SYCE2: variants seen among roughly 807,000 people sequenced by gnomAD.
The protein encoded by SYCE2 is central element synaptonemal complex 1.
Under a neutral mutation model 27.9 loss-of-function variants are expected in SYCE2, and 3 were observed. The ratio of observed to expected loss-of-function variants is 0.11; its 90% CI spans 0.05 to 0.28. The LOEUF is 0.28. Among genes scored for constraint, SYCE2 ranks in the 10% least tolerant of loss-of-function variants. The probability of loss-of-function intolerance (pLI) is 1.00; values close to 1 mark genes in which losing one functional copy is unlikely to be tolerated. For synonymous variants in SYCE2, 85 were observed against 100.7 expected (o/e 0.84, Z 0.93); for missense variants, 207 against 263.5 (o/e 0.79, Z 1.48).
In SYCE2 at chr19:12,898,808, T is replaced by C. The variant is rs1178799891; in HGVS notation, c.*533A>G. Reference sequence around the variant, plus strand: ...ATTTAAAAAAAATAGGTTTGTACTTTAGGAAGTAAACAGAATTGGCTCTAA... The same window carrying C: ...ATTTAAAAAAAATAGGTTTGTACTTCAGGAAGTAAACAGAATTGGCTCTAA... On this transcript the variant is annotated 3_prime_UTR_variant, in exon 6 of 6. Transcript: ENST00000293695. 1 of 169,690 alleles carries C rather than the reference T, an allele frequency of 5.9e-6. No individual in the cohort carries two copies. Among genetic ancestry groups the C allele is most frequent in the Non-Finnish European group, 1.3e-5 (1 of 77,798 alleles). The allele number at this position is 169,690 out of a possible 1,614,324, so 10.5% of individuals were successfully genotyped here. A position where few individuals can be genotyped will look rare whatever the true frequency, so the allele number is the denominator to read the frequency against.
At chr19:12,907,774 G>C (rs887337528) in intron 2 of SYCE2, among the ~76,000 whole-genome samples, 1 of 151,356 alleles carries the variant, frequency 6.6e-6, no homozygotes, top group African/African-American at 2.4e-5. Flanking sequence ...CTGGGCAACA[G>C]AGCGAGACTC....
chr19:12,899,768 T>G (rs911451922), intron 5 of SYCE2: 1 of 1,607,166 alleles, frequency 6.2e-7, no homozygotes, highest in Admixed American at 1.7e-5. Flanking sequence ...CTTTTAACCA[T>G]GGATGAGAGC....
chr19:12,900,209 G>A (rs1357506498), intron 4 of SYCE2, 89 bp from the exon 5 acceptor site: 1 of 1,462,624 alleles, frequency 6.8e-7, no homozygotes, highest in Non-Finnish European at 9.2e-7. Context: ...GGGTGCAAGG[G>A]ACTTTGTCCT....
rs200081311 is a variant in SYCE2, at chr19:12,899,529, G to A, written c.613-144C>T. On this transcript the variant is annotated intron_variant, in intron 5 of 5. Transcript: ENST00000293695. ...CTATCACGGGAATCCAGGCGTTCAC[G>A]GCCAGCAAGTGAGCCGCTCCATCAG... The A allele has an allele frequency of 4.0e-5, 65 of 1,614,126 alleles. No individual in the cohort carries two copies. Among genetic ancestry groups the A allele is most frequent in the South Asian group, 3.4e-4 (31 of 91,080 alleles).
intron 1 of SYCE2, among the ~76,000 whole-genome samples, chr19:12,918,793 A>C (rs1408449223): frequency 6.6e-6 from 1 of 152,020 alleles, no homozygotes; most frequent in East Asian, 1.9e-4. Context: ...CTCTACTAAA[A>C]ATACAAAAAT....
chr19:12,915,446 TA>T (rs35359974), intron 2 of SYCE2, among the ~76,000 whole-genome samples: 104,991 of 150,730 alleles, frequency 0.7, 36,987 homozygotes, highest in East Asian at 0.84. Context: ...CAAAAATATA[TA>T]AAAAAAAAGC....
chr19:12,905,323 T>C (rs1373428148), intron 2 of SYCE2, among the ~76,000 whole-genome samples: 2 of 152,086 alleles, frequency 1.3e-5, no homozygotes, highest in Non-Finnish European at 2.9e-5. Flanking sequence ...CCAATAATAG[T>C]GTCAATGCTT....
chr19:12,913,873 T>C (rs558663734), intron 2 of SYCE2: 2 of 152,132 alleles, frequency 1.3e-5, no homozygotes, highest in Non-Finnish European at 2.9e-5. Context: ...CACACACCTA[T>C]AAACCATTTC....
At chr19:12,919,113 T>C (rs1000643479) in intron 1 of SYCE2, 130 bp downstream of exon 1, 10 of 1,234,286 alleles carry the variant, frequency 8.1e-6, no homozygotes, top group African/African-American at 1.5e-5. Flanking sequence ...CCAGGCCTGA[T>C]GAGAGGGAGC....
intron 2 of SYCE2, chr19:12,906,345 C>T (rs1202703431): frequency 6.6e-6 from 1 of 152,072 alleles, no homozygotes; most frequent in Non-Finnish European, 1.5e-5. Context: ...GTTGTTGGTC[C>T]CATGTTGTAC....
rs553191132 is a variant in SYCE2 at position 12,899,214 on chromosome 19, G to A, written c.*127C>T. ...GGGAGTTCAGCACAAGGAGCTTTGG[G>A]TTTTTGTTTTTTTCTGCCAAGATGC... On this transcript the variant is annotated 3_prime_UTR_variant, in exon 6 of 6. Transcript: ENST00000293695. 1 of 865,982 alleles carries A rather than the reference G, an allele frequency of 1.2e-6. No homozygotes were observed. The highest frequency in any genetic ancestry group is 1.9e-6 in the Non-Finnish European group (1 of 538,504). The allele number at this position is 865,982 out of a possible 1,614,324, so 53.6% of individuals were successfully genotyped here.
chr19:12,903,534 G>A (rs1476816194), intron 3 of SYCE2, among the ~76,000 whole-genome samples: 3 of 150,672 alleles, frequency 2.0e-5, no homozygotes, highest in African/African-American at 4.9e-5. Context: ...CTACAGGCGC[G>A]CACCACCATG....
intron 2 of SYCE2, among the ~76,000 whole-genome samples, chr19:12,907,893 C>A (rs1008222434): frequency 5.3e-5 from 8 of 152,172 alleles, no homozygotes; most frequent in Non-Finnish European, 1.2e-4. Context: ...GCAGGTGAAT[C>A]GTGAGCTCAG....
intron 2 of SYCE2, among the ~76,000 whole-genome samples, chr19:12,912,157 C>G (rs2003262): frequency 6.7e-6 from 1 of 148,756 alleles, no homozygotes; most frequent in Admixed American, 6.7e-5. Flanking sequence ...AGGCTGGTCT[C>G]GAACTCCTGA....
At chr19:12,918,158 G>A in intron 2 of SYCE2, 64 bp downstream of exon 2, 1 of 1,381,228 alleles carries the variant, frequency 7.2e-7, no homozygotes, top group Admixed American at 1.7e-5. Flanking sequence ...CCTTGTGGAA[G>A]AAAAGGGTGA....
chr19:12,914,336 C>A (rs1425325918), intron 2 of SYCE2: 1 of 152,182 alleles, frequency 6.6e-6, no homozygotes, highest in Non-Finnish European at 1.5e-5. Context: ...CACCATTAGC[C>A]AATTTCAGGC....
At chr19:12,913,615 T>A (rs2145980026) in intron 2 of SYCE2, among the ~76,000 whole-genome samples, 1 of 152,318 alleles carries the variant, frequency 6.6e-6, no homozygotes, top group East Asian at 1.9e-4. Flanking sequence ...GGAAACGTGT[T>A]AACATTTTAA....
Position 12,899,997 on chromosome 19 carries a change from T to G in SYCE2, c.612+7A>C. The G allele has an allele frequency of 6.2e-7, 1 of 1,613,090 alleles. No homozygotes were observed. Among genetic ancestry groups the G allele is most frequent in the South Asian group, 1.1e-5 (1 of 91,036 alleles). ...CCAAGGTGTCAGGCCGGTTTACTGG[T>G]AACCACCTGAGAAGTAGTTTCAGCC... On this transcript the variant is annotated splice_region_variant and intron_variant, in intron 5 of 5. Coordinates refer to ENST00000293695, the MANE Select transcript of SYCE2 (RefSeq NM_001105578.2).
At chr19:12,907,506 C>A (rs1047277569) in intron 2 of SYCE2, among the ~76,000 whole-genome samples, 1 of 152,062 alleles carries the variant, frequency 6.6e-6, no homozygotes, top group African/African-American at 2.4e-5. Context: ...AAAAATAAAT[C>A]TTGGCCAGGC....
Sources: allele counts gnomAD v4.1 joint callset (sites outside exome capture counted in the v4.1 genomes callset), GRCh38; gene constraint gnomAD v4.1.1; transcripts MANE v1.5; gene names NCBI Gene and HGNC (gene_info 2026-07-23, HGNC 2026-07-21).